Variants in REEP2 observed in about 807,000 individuals in gnomAD.
REEP2 encodes the protein receptor expression-enhancing protein 2.
In REEP2, 9 loss-of-function variants were observed where a neutral mutation model predicts 32.1. The ratio of observed to expected loss-of-function variants is 0.28; its 90% CI spans 0.17 to 0.49. The LOEUF (loss-of-function observed/expected upper bound fraction) is 0.49. Among genes scored for constraint, REEP2 ranks in the 20% least tolerant of loss-of-function variants. The pLI is 0.99. For missense variants in REEP2, 236 were observed against 338.0 expected, an observed-to-expected ratio of 0.70 and a Z score of 2.37; for synonymous variants, 128 against 139.1, an observed-to-expected ratio of 0.92 and a Z score of 0.56.
chr5:138,441,202 A>C lies in REEP2; in HGVS notation c.105+114A>C. ...GCACCAACACTGTCAGCCACTAACA[A>C]GACCCACCAGCAAAGGAGGGCCCTG... is the stretch of plus-strand genomic sequence containing the variant. On this transcript the variant is annotated intron_variant, in intron 2 of 7. Coordinates refer to ENST00000378339, the MANE Select transcript of REEP2 (RefSeq NM_001271803.2). The surrounding 1 kb of genome is among the most constrained non-coding windows in gnomAD (Gnocchi z 4.4). 6.9e-7 allele frequency: 1 copy of C among 1,444,248 alleles called. No homozygotes were observed. The highest frequency in any genetic ancestry group is 9.6e-7 in the Non-Finnish European group (1 of 1,042,372). The allele number at this position is 1,444,248 out of a possible 1,614,324, so 89.5% of individuals were successfully genotyped here.
intron 3 of REEP2, among the ~76,000 whole-genome samples, chr5:138,443,355 G>A (rs1199288920): frequency 2.6e-5 from 4 of 151,058 alleles, no homozygotes; most frequent in African/African-American, 7.3e-5. Flanking sequence ...AACTACTCAG[G>A]AGGCTGAGGC....
intron 4 of REEP2, 64 bp downstream of exon 4, chr5:138,444,599 G>A (rs1157545049): frequency 6.3e-7 from 1 of 1,598,168 alleles, no homozygotes. Context: ...AGAGCCTGCA[G>A]CCTCATACAG....
intron 5 of REEP2, 147 bp downstream of exon 5, chr5:138,445,014 C>G (rs181189973): frequency 1.3e-6 from 1 of 761,210 alleles, no homozygotes; most frequent in East Asian, 2.7e-5. Flanking sequence ...CTACTGCTAT[C>G]TGGCCGAGTC....
At chr5:138,444,391 C>T (rs756710472) in intron 3 of REEP2, 24 bp from the exon 4 acceptor site, 2 of 1,612,050 alleles carry the variant, frequency 1.2e-6, no homozygotes, top group Non-Finnish European at 1.7e-6. Flanking sequence ...GCCCTGTACT[C>T]TGCGCTTGCC....
chr5:138,443,230 G>T (rs2350639), intron 3 of REEP2, among the ~76,000 whole-genome samples: 42,404 of 151,794 alleles, frequency 0.28, 6,763 homozygotes, highest in South Asian at 0.42. Context: ...GAGGCCAAGG[G>T]GGGGCAGATC....
intron 3 of REEP2, among the ~76,000 whole-genome samples, chr5:138,444,165 G>A (rs766672081): frequency 7.2e-5 from 11 of 152,036 alleles, no homozygotes; most frequent in Non-Finnish European, 1.5e-4. Flanking sequence ...TTGGGGAGAG[G>A]ATGAGGCCAG....
rs1012925918 is a variant in REEP2 at position 138,441,947 on chromosome 5, A to G, written c.182+486A>G. 1.8e-4 allele frequency among the ~76,000 whole-genome samples: 27 copies of G among 152,160 alleles called. No individual in the cohort carries two copies. Among genetic ancestry groups the G allele is most frequent in the Admixed American group, 1.6e-3 (25 of 15,296 alleles). ...GTCTCAAAAAAAAAACAAACAAACA[A>G]GGAGTAAGAACAAACATAATCCCCA... is the stretch of plus-strand genomic sequence containing the variant. On this transcript the variant is annotated intron_variant, in intron 3 of 7. Coordinates refer to ENST00000378339, the MANE Select transcript of REEP2 (RefSeq NM_001271803.2). The surrounding 1 kb of genome is among the most constrained non-coding windows in gnomAD (Gnocchi z 4.4).
At position 138,441,137 on chromosome 5, in the gene REEP2, G is replaced by A. The variant is rs184959604; in HGVS notation, c.105+49G>A. On this transcript the variant is annotated intron_variant, in intron 2 of 7. Coordinates refer to ENST00000378339, the MANE Select transcript of REEP2 (RefSeq NM_001271803.2). This position sits in a 1 kb window ranked among gnomAD's most constrained non-coding sequence, Gnocchi z 4.4. The stretch of plus-strand genomic sequence containing the variant: ...CTACCCAACCCACATGGCACAGAGA[G>A]GGGAGGGCACTGGGTCCTATTACAG... 9.8e-3 allele frequency: 15,771 copies of A among 1,610,122 alleles called. 97 individuals are homozygous for A. The highest frequency in any genetic ancestry group is 0.012 in the Non-Finnish European group (13,928 of 1,177,986).
At chr5:138,444,350 C>T (rs1274395623) in intron 3 of REEP2, 65 bp from the exon 4 acceptor site, 3 of 1,577,462 alleles carry the variant, frequency 1.9e-6, no homozygotes, top group Non-Finnish European at 2.6e-6. Flanking sequence ...GGGGCCGGTG[C>T]TGCTGGACAC....
rs559790455 is a variant in REEP2 at position 138,445,697 on chromosome 5, G to A, written c.711G>A (p.Lys237=). ...TCTTTCCACAGCCACTGGCTTCCAA[G>A]ACACTGAAGACCCGGCCCAAGAAGA... is the stretch of plus-strand genomic sequence containing the variant. The part of the protein sequence containing the change: ...KAPKAEPLAS[K]TLKTRPKKKT... The change falls in exon 8 of 8, where the codon AAG becomes AAA. Residue 237 remains lysine, a synonymous_variant. Coordinates refer to ENST00000378339, the MANE Select transcript of REEP2 (RefSeq NM_001271803.2). 1.2e-6 allele frequency: 2 copies of A among 1,614,134 alleles called. No individual in the cohort carries two copies. The highest frequency in any genetic ancestry group is 1.3e-5 in the African/African-American group (1 of 75,052).
intron 3 of REEP2, among the ~76,000 whole-genome samples, chr5:138,443,331 A>G (rs1006266329): frequency 6.7e-6 from 1 of 150,216 alleles, no homozygotes; most frequent in African/African-American, 2.4e-5. Context: ...GTGGTGGCAC[A>G]TGCCTGTAAT....
At chr5:138,440,176 G>A (rs553499633) in intron 1 of REEP2, among the ~76,000 whole-genome samples, 1 of 152,318 alleles carries the variant, frequency 6.6e-6, no homozygotes, top group East Asian at 1.9e-4. Context: ...GGCCTCCACC[G>A]TTGGGGACTG....
chr5:138,446,016 T>C lies in REEP2; in HGVS notation c.*265T>C. 1 of 499,078 alleles carries C rather than the reference T, an allele frequency of 2.0e-6. No individual in the cohort carries two copies. Among genetic ancestry groups the C allele is most frequent in the Non-Finnish European group, 3.6e-6 (1 of 280,992 alleles). 30.9% of individuals were successfully genotyped at this position (499,078 alleles called of 1,614,324 possible). A position where few individuals can be genotyped will look rare whatever the true frequency, so the allele number is the denominator to read the frequency against. ...CCAAGGAGGTGGGGACTGCTCGGCC[T>C]CCACCGCTGTTCCGCTGCAGCCCCG... On this transcript the variant is annotated 3_prime_UTR_variant, in exon 8 of 8. Transcript: ENST00000378339.
chr5:138,444,066 G>A (rs987525484), intron 3 of REEP2, among the ~76,000 whole-genome samples: 2 of 152,100 alleles, frequency 1.3e-5, no homozygotes, highest in Non-Finnish European at 2.9e-5. Context: ...GAAGACCCAG[G>A]TGTAGGCCTG....
At position 138,444,506 on chromosome 5, in the gene REEP2, G is replaced by T; in HGVS notation, c.274G>T (p.Val92Leu). 1 of 1,614,038 alleles carries T rather than the reference G, an allele frequency of 6.2e-7. No homozygotes were observed. Among genetic ancestry groups the T allele is most frequent in the Non-Finnish European group, 8.5e-7 (1 of 1,179,978 alleles). Reference protein sequence around the residue: ...KGSSVLYRKFVHPTLSNKEKE... With the variant: ...KGSSVLYRKFLHPTLSNKEKE... ...CTCCAGCGTGCTCTACCGCAAGTTC[G>T]TGCACCCAACGCTGTCCAACAAGGA... Residue 92 changes from valine (V) to leucine (L), a missense_variant, in exon 4 of 8, where the codon GTG becomes TTG. Val to Leu is a conservative substitution (Grantham distance 32). Transcript: ENST00000378339.
intron 1 of REEP2, chr5:138,439,804 G>T (rs1268569121): frequency 2.2e-6 from 1 of 455,502 alleles, no homozygotes; most frequent in Admixed American, 2.4e-5. Context: ...AAGCAGAAAT[G>T]CTCGGAGGAC....
chr5:138,444,593 C>A (rs1395154686), intron 4 of REEP2, 58 bp downstream of exon 4: 1 of 1,603,206 alleles, frequency 6.2e-7, no homozygotes, highest in East Asian at 2.2e-5. Context: ...CAGTCCAGAG[C>A]CTGCAGCCTC....
chr5:138,440,778 G>A (rs939807022), intron 1 of REEP2, among the ~76,000 whole-genome samples: 1 of 152,226 alleles, frequency 6.6e-6, no homozygotes, highest in African/African-American at 2.4e-5. Context: ...TGGCCTCTGG[G>A]CCTTTCCCTG....
chr5:138,439,966 A>G (rs1561805139), intron 1 of REEP2: 1 of 358,550 alleles, frequency 2.8e-6, no homozygotes, highest in Admixed American at 3.8e-5. Flanking sequence ...CCAGGAGGGA[A>G]CACACACCAT....
Sources: allele counts gnomAD v4.1 joint callset (sites outside exome capture counted in the v4.1 genomes callset), GRCh38; gene constraint gnomAD v4.1.1; non-coding constraint Gnocchi (gnomAD v3.1); transcripts MANE v1.5; gene names NCBI Gene and HGNC (gene_info 2026-07-23, HGNC 2026-07-21).